VIPR2: variants seen among roughly 807,000 people sequenced by gnomAD.
VIPR2 encodes vasoactive intestinal peptide receptor 2.
Under a neutral mutation model 58.0 loss-of-function variants are expected in VIPR2, and 48 were observed. That is an observed-to-expected ratio of 0.83 (90% CI 0.66 to 1.05). The LOEUF is 1.05. Among genes scored for constraint, VIPR2 ranks in the 50% least tolerant of loss-of-function variants. The pLI is 0.00. For missense variants in VIPR2, 534 were observed against 558.0 expected (o/e 0.96, Z 0.43); for synonymous variants, 243 against 235.2 (o/e 1.03, Z -0.30).
chr7:159,054,770 A>C (rs1041842579), intron 5 of VIPR2, among the ~76,000 whole-genome samples: 1 of 152,260 alleles, frequency 6.6e-6, no homozygotes, highest in Non-Finnish European at 1.5e-5. Flanking sequence ...TTTTTAATAA[A>C]TTTATTTTTA....
At chr7:159,068,929 C>T (rs567380684) in intron 4 of VIPR2, among the ~76,000 whole-genome samples, 5 of 152,304 alleles carry the variant, frequency 3.3e-5, no homozygotes, top group East Asian at 1.9e-4. Context: ...AAGGAAGACA[C>T]GCAGCTACTA....
intron 2 of VIPR2, chr7:159,117,161 C>G (rs1396052756): frequency 3.2e-6 from 2 of 620,012 alleles, no homozygotes; most frequent in African/African-American, 3.7e-5. Context: ...GGACGGAGTG[C>G]GGGAGCCAGC....
At chr7:159,053,830 G>A (rs1360578156) in intron 5 of VIPR2, among the ~76,000 whole-genome samples, 1 of 152,224 alleles carries the variant, frequency 6.6e-6, no homozygotes, top group Admixed American at 6.5e-5. Flanking sequence ...TCACAGGCGT[G>A]AGCCAATGCA....
At chr7:159,100,916 G>A (rs1310937430) in intron 4 of VIPR2, among the ~76,000 whole-genome samples, 2 of 150,750 alleles carry the variant, frequency 1.3e-5, no homozygotes, top group East Asian at 2.0e-4. Flanking sequence ...GACTGTTCCT[G>A]TGGTAGTGAA....
intron 5 of VIPR2, among the ~76,000 whole-genome samples, chr7:159,054,192 A>C (rs1036239558): frequency 2.6e-5 from 4 of 152,228 alleles, no homozygotes; most frequent in African/African-American, 9.6e-5. Context: ...ACCCTGCTTC[A>C]CACCACAGCA....
At chr7:159,084,277 G>C (rs1857058554) in intron 4 of VIPR2, among the ~76,000 whole-genome samples, 1 of 152,242 alleles carries the variant, frequency 6.6e-6, no homozygotes, top group Non-Finnish European at 1.5e-5. Flanking sequence ...GTGTGGGCGG[G>C]AGGATGAGAG....
At chr7:159,069,374 C>T (rs1288146177) in intron 4 of VIPR2, among the ~76,000 whole-genome samples, 5 of 152,160 alleles carry the variant, frequency 3.3e-5, no homozygotes, top group East Asian at 1.9e-4. Context: ...CTCCTGGGAA[C>T]GAACGGCTGT....
At chr7:159,113,154 C>T (rs1796103870) in intron 2 of VIPR2, among the ~76,000 whole-genome samples, 1 of 152,186 alleles carries the variant, frequency 6.6e-6, no homozygotes, top group Admixed American at 6.5e-5. Context: ...TAGCCCAGCG[C>T]CTAGGAACCA....
intron 2 of VIPR2, among the ~76,000 whole-genome samples, chr7:159,120,763 T>C (rs1585539567): frequency 6.6e-6 from 1 of 152,134 alleles, no homozygotes; most frequent in Admixed American, 6.5e-5. Flanking sequence ...TTATGACGGG[T>C]AAGAGGCTGG....
rs138781353 is a variant in VIPR2 at position 159,098,571 on chromosome 7, G to T, written c.357+5186C>A. Among the ~76,000 whole-genome samples the T allele has an allele frequency of 3.3e-5, 5 of 152,194 alleles. No homozygotes were observed. Among genetic ancestry groups the T allele is most frequent in the African/African-American group, 9.6e-5 (4 of 41,518 alleles). On this transcript the variant is annotated intron_variant, in intron 4 of 12. Transcript: ENST00000262178. This position sits in a 1 kb window ranked among gnomAD's most constrained non-coding sequence, Gnocchi z 5.2. ...AAAGGCCCAGACCATGGCCACGGCT[G>T]GTGCGGCCCCTTGGGCTCCAGGTCC...
chr7:159,094,447 T>C (rs897113108), intron 4 of VIPR2, among the ~76,000 whole-genome samples: 1 of 152,200 alleles, frequency 6.6e-6, no homozygotes, highest in African/African-American at 2.4e-5. Context: ...GGGCTGGCAC[T>C]CAGGAACCAG....
chr7:159,118,045 G>C (rs985733293), intron 2 of VIPR2, among the ~76,000 whole-genome samples: 8 of 152,192 alleles, frequency 5.3e-5, no homozygotes. Context: ...GTCCCAGCTG[G>C]TTCTCACGGG....
At position 159,123,728 on chromosome 7, in the gene VIPR2, C is replaced by T. The variant is rs147930023; in HGVS notation, c.152-13809G>A. 2.1e-3 allele frequency among the ~76,000 whole-genome samples: 326 copies of T among 152,204 alleles called. 1 individual carries two copies. The highest frequency in any genetic ancestry group is 4.0e-3 in the Non-Finnish European group (269 of 68,014). On this transcript the variant is annotated intron_variant, in intron 2 of 12. Transcript: ENST00000262178. ...TGTTTTTATGTCTTTGAGGAATTGC[C>T]AGTCTTCCACAATGGTTGAACTAAT...
chr7:159,131,823 T>C, intron 2 of VIPR2, among the ~76,000 whole-genome samples: 1 of 152,156 alleles, frequency 6.6e-6, no homozygotes, highest in East Asian at 1.9e-4. Flanking sequence ...ACCAGTCAGG[T>C]CTCAAATTAC....
intron 5 of VIPR2, among the ~76,000 whole-genome samples, chr7:159,049,378 C>A (rs1201215597): frequency 6.6e-6 from 1 of 152,166 alleles, no homozygotes; most frequent in Non-Finnish European, 1.5e-5. Flanking sequence ...GCTGTGGGGA[C>A]CAAAGGGCTG....
chr7:159,081,977 G>A (rs1239571752), intron 4 of VIPR2, among the ~76,000 whole-genome samples: 1 of 152,204 alleles, frequency 6.6e-6, no homozygotes, highest in African/African-American at 2.4e-5. Flanking sequence ...AGGTGCTGGA[G>A]AGGATGTGGA....
intron 4 of VIPR2, among the ~76,000 whole-genome samples, chr7:159,068,285 A>C (rs1255145439): frequency 6.6e-6 from 1 of 152,214 alleles, no homozygotes; most frequent in African/African-American, 2.4e-5. Flanking sequence ...TTAAAAAAAC[A>C]GCCCCTCTCT....
chr7:159,080,460 A>C (rs982947949), intron 4 of VIPR2, among the ~76,000 whole-genome samples: 1 of 152,238 alleles, frequency 6.6e-6, no homozygotes, highest in African/African-American at 2.4e-5. Context: ...TATTGATGGG[A>C]TGTATCTCAA....
intron 8 of VIPR2, 50 bp from the exon 9 acceptor site, chr7:159,034,700 A>G (rs750145139): frequency 1.9e-6 from 3 of 1,546,678 alleles, no homozygotes; most frequent in Non-Finnish European, 2.7e-6. Context: ...CTTTCGCAAG[A>G]CAGGTACAGA....
Sources: gnomAD v4.1 joint callset for allele counts (sites outside exome capture counted in the v4.1 genomes callset) on GRCh38, gnomAD v4.1.1 for gene constraint, Gnocchi (gnomAD v3.1) non-coding constraint, MANE v1.5 for transcripts, NCBI Gene and HGNC (gene_info 2026-07-23, HGNC 2026-07-21) for gene names.